CES2: variants seen among roughly 807,000 people sequenced by gnomAD.
CES2 encodes the protein cocaine esterase.
CES2 carries 42 observed loss-of-function variants against 52.1 expected under a neutral mutation model. That is an observed-to-expected ratio of 0.81 (90% CI 0.63 to 1.04). The LOEUF (loss-of-function observed/expected upper bound fraction) is 1.04, where lower values mean the gene tolerates loss of function less well. Among genes scored for constraint, CES2 ranks in the 50% least tolerant of loss-of-function variants. CES2 has a pLI of 0.00. For synonymous variants in CES2, 277 were observed against 289.6 expected, an observed-to-expected ratio of 0.96 and a Z score of 0.44; for missense variants, 656 against 724.3, an observed-to-expected ratio of 0.91 and a Z score of 1.08.
rs1555523285 is a variant in CES2 at position 66,941,177 on chromosome 16, C to A, written c.870C>A (p.Gly290=). The A allele has an allele frequency of 1.2e-6, 2 of 1,614,152 alleles. No homozygotes were observed. Among genetic ancestry groups the A allele is most frequent in the Admixed American group, 1.7e-5 (1 of 60,020 alleles). Residue 290 remains glycine (G), a synonymous_variant, in exon 6 of 12, where the codon GGC becomes GGA. Coordinates refer to ENST00000317091, the MANE Select transcript of CES2 (RefSeq NM_001365405.1). ...AAGTTGACTCTGAGGCCCTGGTGGG[C>A]TGCCTGCGGGGCAAGAGTAAAGAGG... ...CDQVDSEALV[G]CLRGKSKEEI... is the part of the protein sequence containing the mutation.
rs1292617181 is a variant in CES2 at position 66,935,722 on chromosome 16, C to T, written c.76+11C>T. On this transcript the variant is annotated intron_variant, in intron 1 of 11. Transcript: ENST00000317091. ...TTGTCCGGGGCCAGGGTGAGGCTCCCTCGGAGGGGCGACAGGGACCGGGCT... is the reference window on the plus strand; with the variant it reads ...TTGTCCGGGGCCAGGGTGAGGCTCCTTCGGAGGGGCGACAGGGACCGGGCT... 6.3e-7 allele frequency: 1 copy of T among 1,599,374 alleles called. No individual in the cohort carries two copies. Among genetic ancestry groups the T allele is most frequent in the Admixed American group, 1.7e-5 (1 of 60,010 alleles).
intron 1 of CES2, among the ~76,000 whole-genome samples, chr16:66,936,624 T>G (rs1963222768): frequency 6.6e-6 from 1 of 152,222 alleles, no homozygotes; most frequent in African/African-American, 2.4e-5. Context: ...GAAGGCTCTG[T>G]GTGCCTGCCA....
upstream of CES2, chr16:66,935,285 T>A: frequency 1.3e-6 from 1 of 761,944 alleles, no homozygotes; most frequent in Non-Finnish European, 2.1e-6. Flanking sequence ...CCCAGCGCGC[T>A]CATCGGGCCT....
At chr16:66,938,641 A>G (rs1963274699) in intron 2 of CES2, among the ~76,000 whole-genome samples, 1 of 152,322 alleles carries the variant, frequency 6.6e-6, no homozygotes, top group Admixed American at 6.5e-5. Flanking sequence ...TGAAGAGAAC[A>G]GTAGTGGTAG....
Position 66,940,266 on chromosome 16 carries a change from T to C in CES2, c.468T>C (p.Ala156=). The change falls in exon 4 of 12, where the codon GCT becomes GCC. Residue 156 remains alanine (A), a synonymous_variant. Transcript: ENST00000317091. ...GTGGTGCGCTTGTTTTTGGCATGGC[T>C]TCCTTGTATGATGGTTCCATGCTGG... ...IHGGALVFGM[A]SLYDGSMLAA... 6.2e-7 allele frequency: 1 copy of C among 1,613,628 alleles called. No individual in the cohort carries two copies. The highest frequency in any genetic ancestry group is 8.5e-7 in the Non-Finnish European group (1 of 1,179,824).
Position 66,939,358 on chromosome 16 carries a change from G to A in CES2, c.423G>A (p.Pro141=), listed in dbSNP as rs757492387. Residue 141 remains proline, a splice_region_variant and synonymous_variant, in exon 3 of 12, where the codon CCG becomes CCA. Transcript: ENST00000317091. ...ATAGCCATGAAGGCTCTAACCTGCC[G>A]GTGGGTGTCAGGCCACAGTTCACTG... ...PAHSHEGSNL[P]VMVWIHGGAL... 2.9e-5 allele frequency: 46 copies of A among 1,613,948 alleles called. No homozygotes were observed. Among genetic ancestry groups the A allele is most frequent in the Non-Finnish European group, 3.6e-5 (42 of 1,179,944 alleles).
intron 3 of CES2, among the ~76,000 whole-genome samples, chr16:66,939,922 G>C (rs531634404): frequency 6.6e-6 from 1 of 152,306 alleles, no homozygotes. Flanking sequence ...TCAGGCTAAG[G>C]ACATTTTTGG....
At chr16:66,935,167 A>T (rs1295521003), upstream of CES2, 3 of 400,258 alleles carry the variant, frequency 7.5e-6, no homozygotes, top group East Asian at 1.1e-4. Context: ...CTTCACCCCG[A>T]TCAAGTTCCT....
At position 66,944,096 on chromosome 16, in the gene CES2, CCACT is replaced by C; in HGVS notation, c.*72_*75del. 1 of 711,722 alleles carries C rather than the reference CCACT, an allele frequency of 1.4e-6. No homozygotes were observed. The highest frequency in any genetic ancestry group is 3.0e-5 in the East Asian group (1 of 33,366). 44.1% of individuals were successfully genotyped at this position (711,722 alleles called of 1,614,324 possible). Reference sequence around the variant, plus strand: ...GTCAGCCTGCTGTGCCCACACACACCCACTAAGGAGAAAGAAGTTGATTCCTTCA... The same window carrying C: ...GTCAGCCTGCTGTGCCCACACACACCAAGGAGAAAGAAGTTGATTCCTTCA... On this transcript the variant is annotated 3_prime_UTR_variant, in exon 12 of 12. Coordinates refer to ENST00000317091, the MANE Select transcript of CES2 (RefSeq NM_001365405.1).
At chr16:66,934,564 A>C, upstream of CES2, 2 of 785,428 alleles carry the variant, frequency 2.5e-6, no homozygotes, top group Non-Finnish European at 3.9e-6. The surrounding 1 kb of genome is among the most constrained non-coding windows in gnomAD (Gnocchi z 4.1). Context: ...TGGTCGCTGG[A>C]GCAGAAGGCG....
At position 66,943,719 on chromosome 16, in the gene CES2, T is replaced by C; in HGVS notation, c.1494-120T>C. 1.3e-6 allele frequency: 1 copy of C among 768,938 alleles called. No individual in the cohort carries two copies. Among genetic ancestry groups the C allele is most frequent in the African/African-American group, 1.7e-5 (1 of 57,214 alleles). The allele number at this position is 768,938 out of a possible 1,614,324, so 47.6% of individuals were successfully genotyped here. A position where few individuals can be genotyped will look rare whatever the true frequency, so the allele number is the denominator to read the frequency against. On this transcript the variant is annotated intron_variant, in intron 11 of 11. Coordinates refer to ENST00000317091, the MANE Select transcript of CES2 (RefSeq NM_001365405.1). This position sits in a 1 kb window ranked among gnomAD's most constrained non-coding sequence, Gnocchi z 4.2. ...TGTTTCTGGAAGCCTCCCCACTCAT[T>C]CCCCAAGCCCACCTGGCCTGCTTGG...
chr16:66,939,019 C>G (rs1172624179), intron 2 of CES2, among the ~76,000 whole-genome samples, 198 bp from the exon 3 acceptor site: 1 of 152,186 alleles, frequency 6.6e-6, no homozygotes, highest in Non-Finnish European at 1.5e-5. Flanking sequence ...CTCGAGGCCT[C>G]CCTGGAAGTC....
Position 66,938,049 on chromosome 16 carries a change from C to T in CES2, c.89C>T (p.Ala30Val). The T allele has an allele frequency of 6.2e-7, 1 of 1,613,976 alleles. No individual in the cohort carries two copies. Among genetic ancestry groups the T allele is most frequent in the South Asian group, 1.1e-5 (1 of 91,074 alleles). Residue 30 changes from alanine to valine, a missense_variant, in exon 2 of 12, where the codon GCC becomes GTC. By Grantham distance (64) the Ala-to-Val change is moderately conservative. Transcript: ENST00000317091. Reference protein sequence around the residue: ...LLVRGQGQDSASPIRTTHTGQ... With the variant: ...LLVRGQGQDSVSPIRTTHTGQ... ...TCTCTGCCCACAGGCCAGGACTCAG[C>T]CAGTCCCATCCGGACCACACACACG...
chr16:66,939,699 G>GGGCACACA (rs1408304897), intron 3 of CES2, among the ~76,000 whole-genome samples: 1 of 152,200 alleles, frequency 6.6e-6, no homozygotes, highest in African/African-American at 2.4e-5. Context: ...CCTATAGAAT[G>GGGCACACA]GGCACACACA....
chr16:66,940,603 A>G lies in CES2; in HGVS notation c.724A>G (p.Ile242Val), dbSNP rs758686915. The change falls in exon 5 of 12, where the codon ATA becomes GTA. Residue 242 changes from isoleucine (I) to valine (V), a missense_variant. Transcript: ENST00000317091. ...TSVSSLVVSPISQGLFHGAIM... is the reference protein window; with the variant it reads ...TSVSSLVVSPVSQGLFHGAIM... ...TGTGTCTTCGCTTGTTGTGTCCCCC[A>G]TATCCCAAGGACTCTTCCACGGAGC... 19 of 1,614,042 alleles carry G rather than the reference A, an allele frequency of 1.2e-5. No individual in the cohort carries two copies. The highest frequency in any genetic ancestry group is 1.4e-5 in the Non-Finnish European group (17 of 1,180,026).
At position 66,935,561 on chromosome 16, in the gene CES2, T is replaced by C; in HGVS notation, c.-75T>C. 6.2e-7 allele frequency: 1 copy of C among 1,613,988 alleles called. No individual in the cohort carries two copies. Among genetic ancestry groups the C allele is most frequent in the Non-Finnish European group, 8.5e-7 (1 of 1,180,026 alleles). On this transcript the variant is annotated 5_prime_UTR_variant, in exon 1 of 12. Transcript: ENST00000317091. Reference sequence around the variant, plus strand: ...GCTGGGCAAGGCACTGATCCACTGCTGGACAGACCCGGGGCAGCCTCTGGG... The same window carrying C: ...GCTGGGCAAGGCACTGATCCACTGCCGGACAGACCCGGGGCAGCCTCTGGG...
intron 9 of CES2, 145 bp downstream of exon 9, chr16:66,942,394 T>A: frequency 1.1e-6 from 1 of 949,232 alleles, no homozygotes; most frequent in South Asian, 1.7e-5. Context: ...TAAATCCTCA[T>A]GGCTAGCCCA....
intron 1 of CES2, among the ~76,000 whole-genome samples, chr16:66,936,895 T>C (rs965436065): frequency 4.6e-5 from 7 of 151,898 alleles, no homozygotes; most frequent in Admixed American, 4.6e-4. Context: ...TTTTAAAATA[T>C]TTTGGGCCAG....
intron 1 of CES2, among the ~76,000 whole-genome samples, chr16:66,936,207 G>T (rs540667697): frequency 1.1e-4 from 17 of 152,180 alleles, no homozygotes; most frequent in African/African-American, 2.2e-4. Context: ...GCCCCCAGGC[G>T]CCAAATCCTA....
Sources: allele counts gnomAD v4.1 joint callset (sites outside exome capture counted in the v4.1 genomes callset), GRCh38; gene constraint gnomAD v4.1.1; non-coding constraint Gnocchi (gnomAD v3.1); transcripts MANE v1.5; gene names NCBI Gene and HGNC (gene_info 2026-07-23, HGNC 2026-07-21).